The following MACROD2 variants were observed in gnomAD, a reference collection of about 807,000 sequenced individuals.
MACROD2 encodes mono-ADP ribosylhydrolase 2, also known as ADP-ribose glycohydrolase MACROD2.
Under a neutral mutation model 70.4 loss-of-function variants are expected in MACROD2, and 36 were observed. The observed-to-expected ratio is 0.51, with a 90% CI of 0.39 to 0.68. The LOEUF (loss-of-function observed/expected upper bound fraction) is 0.68. Ranked by LOEUF, MACROD2 falls within the 30% of genes least tolerant of loss-of-function variation. The pLI, the probability that MACROD2 is intolerant of heterozygous loss-of-function variation, is 0.00. For synonymous variants in MACROD2, 172 were observed against 178.8 expected (o/e 0.96, Z 0.30); for missense variants, 496 against 538.4 (o/e 0.92, Z 0.78).
At chr20:14,478,022 C>A (rs1489159815) in intron 3 of MACROD2, among the ~76,000 whole-genome samples, 1 of 151,944 alleles carries the variant, frequency 6.6e-6, no homozygotes, top group Non-Finnish European at 1.5e-5. Flanking sequence ...AGGGTAGGTA[C>A]CCTAGAAAGC....
chr20:15,670,066 C>T (rs113883941), intron 8 of MACROD2, among the ~76,000 whole-genome samples: 3,155 of 152,256 alleles, frequency 0.021, 99 homozygotes, highest in African/African-American at 0.07. Context: ...GTTGGGGTGT[C>T]CCTGACCCCT....
chr20:15,370,509 A>G (rs1341960001), intron 6 of MACROD2, among the ~76,000 whole-genome samples: 2 of 152,040 alleles, frequency 1.3e-5, no homozygotes, highest in Non-Finnish European at 2.9e-5. Flanking sequence ...TTTCTATATC[A>G]TTTTATTGAC....
chr20:14,682,303 A>G (rs577264987), intron 4 of MACROD2, among the ~76,000 whole-genome samples: 2 of 152,174 alleles, frequency 1.3e-5, no homozygotes, highest in South Asian at 2.1e-4. Context: ...ATTTTCATAT[A>G]TAGAGAAATT....
intron 5 of MACROD2, among the ~76,000 whole-genome samples, chr20:15,080,279 A>G (rs1474044474): frequency 6.6e-6 from 1 of 152,054 alleles, no homozygotes; most frequent in East Asian, 1.9e-4. Flanking sequence ...TCTCAAACTC[A>G]CAAGTCTACT....
intron 4 of MACROD2, among the ~76,000 whole-genome samples, chr20:14,638,207 C>T (rs1984889999): frequency 6.6e-6 from 1 of 151,970 alleles, no homozygotes; most frequent in Non-Finnish European, 1.5e-5. Flanking sequence ...GTCTAAATAA[C>T]CTTACAGTAA....
chr20:14,021,134 C>T (rs908965787), intron 2 of MACROD2, among the ~76,000 whole-genome samples: 10 of 152,020 alleles, frequency 6.6e-5, no homozygotes, highest in Middle Eastern at 3.4e-3. Flanking sequence ...GGACTACAGG[C>T]GCCCACCACC....
chr20:14,822,502 G>T (rs543274943), intron 5 of MACROD2, among the ~76,000 whole-genome samples: 14 of 152,050 alleles, frequency 9.2e-5, no homozygotes, highest in Admixed American at 6.6e-4. Context: ...ATGGCTTGGC[G>T]TTACAAGGTC....
chr20:14,556,680 T>C (rs1414528748), intron 4 of MACROD2, among the ~76,000 whole-genome samples: 2 of 152,014 alleles, frequency 1.3e-5, no homozygotes, highest in African/African-American at 4.8e-5. Context: ...TATATTGTTA[T>C]TTTCTAGAGC....
intron 8 of MACROD2, among the ~76,000 whole-genome samples, chr20:15,641,379 A>G (rs763972616): frequency 1.3e-5 from 2 of 152,232 alleles, no homozygotes; most frequent in Admixed American, 1.3e-4. Flanking sequence ...GTGGAAATAA[A>G]TAGTGTAGAT....
chr20:15,599,699 A>T (rs995062556), intron 8 of MACROD2, among the ~76,000 whole-genome samples: 9 of 152,198 alleles, frequency 5.9e-5, no homozygotes, highest in African/African-American at 2.2e-4. Flanking sequence ...AGGAACCAAT[A>T]TGTCTATATT....
intron 5 of MACROD2, among the ~76,000 whole-genome samples, chr20:14,981,865 C>T (rs1419423657): frequency 6.7e-6 from 1 of 148,992 alleles, no homozygotes; most frequent in Non-Finnish European, 1.5e-5. Flanking sequence ...TAGGGTGTTG[C>T]TGAAAAGATA....
At chr20:15,176,467 A>T (rs2076462840) in intron 5 of MACROD2, among the ~76,000 whole-genome samples, 1 of 152,062 alleles carries the variant, frequency 6.6e-6, no homozygotes, top group East Asian at 1.9e-4. Flanking sequence ...AGCCCATAAA[A>T]ACCCCAGACT....
intron 5 of MACROD2, among the ~76,000 whole-genome samples, chr20:15,164,387 G>A (rs1049260181): frequency 1.3e-5 from 2 of 152,094 alleles, no homozygotes; most frequent in African/African-American, 4.8e-5. Flanking sequence ...GAGAAGGTGG[G>A]AAGGAGAGAG....
At chr20:14,652,842 T>G (rs1985747423) in intron 4 of MACROD2, among the ~76,000 whole-genome samples, 1 of 152,190 alleles carries the variant, frequency 6.6e-6, no homozygotes, top group African/African-American at 2.4e-5. Context: ...TGGGAAAGAA[T>G]TAGGATTTAG....
chr20:14,924,374 G>T (rs913686631), intron 5 of MACROD2, among the ~76,000 whole-genome samples: 1 of 152,034 alleles, frequency 6.6e-6, no homozygotes, highest in Non-Finnish European at 1.5e-5. Context: ...GGAAGGTGGA[G>T]GTTGCTGTGA....
intron 4 of MACROD2, among the ~76,000 whole-genome samples, chr20:14,494,758 A>G (rs1293327388): frequency 6.6e-6 from 1 of 152,178 alleles, no homozygotes; most frequent in Admixed American, 6.5e-5. Flanking sequence ...GTTATTTTAG[A>G]AAATATGAAT....
intron 4 of MACROD2, among the ~76,000 whole-genome samples, chr20:14,597,781 T>C (rs1258678500): frequency 6.6e-6 from 1 of 152,128 alleles, no homozygotes; most frequent in African/African-American, 2.4e-5. Context: ...AACTTATAAA[T>C]TTCAGATTTC....
chr20:15,698,884 A>G (rs1480851238), intron 8 of MACROD2, among the ~76,000 whole-genome samples: 1 of 152,092 alleles, frequency 6.6e-6, no homozygotes, highest in Non-Finnish European at 1.5e-5. Flanking sequence ...GACTTTCCAG[A>G]GCATTTTGCA....
chr20:14,672,130 CTAT>C (rs2070802445), intron 4 of MACROD2, among the ~76,000 whole-genome samples: 1 of 152,172 alleles, frequency 6.6e-6, no homozygotes, highest in South Asian at 2.1e-4. Context: ...AAAACAACAG[CTAT>C]TTAATTATTG....
Sources: allele counts gnomAD v4.1 joint callset (sites outside exome capture counted in the v4.1 genomes callset), GRCh38; gene constraint gnomAD v4.1.1; transcripts MANE v1.5; gene names NCBI Gene and HGNC (gene_info 2026-07-23, HGNC 2026-07-21).